Variants in HPSE2 observed in about 807,000 individuals in gnomAD.
HPSE2 encodes heparanase 2 (inactive), also known as inactive heparanase-2.
HPSE2 carries 38 observed loss-of-function variants against 60.5 expected under a neutral mutation model. That is an observed-to-expected ratio of 0.63 (90% CI 0.48 to 0.82). HPSE2 has a LOEUF of 0.82. Among genes scored for constraint, HPSE2 ranks in the 40% least tolerant of loss-of-function variants. The pLI, the probability that HPSE2 is intolerant of heterozygous loss-of-function variation, is 0.00. For synonymous variants in HPSE2, 295 were observed against 293.2 expected (o/e 1.01, Z -0.06); for missense variants, 713 against 740.4 (o/e 0.96, Z 0.43).
chr10:98,507,652 A>C (rs914850467), intron 9 of HPSE2, among the ~76,000 whole-genome samples: 1 of 151,744 alleles, frequency 6.6e-6, no homozygotes, highest in Non-Finnish European at 1.5e-5. Flanking sequence ...TATTTTTTTC[A>C]AACTCCGTCC....
chr10:98,475,543 C>G (rs78171388), intron 11 of HPSE2, among the ~76,000 whole-genome samples: 3,179 of 152,208 alleles, frequency 0.021, 116 homozygotes, highest in African/African-American at 0.072. Context: ...GATATACTTT[C>G]CAGTTTCCTT....
chr10:98,926,768 T>A (rs1954477060), intron 3 of HPSE2, among the ~76,000 whole-genome samples: 2 of 152,218 alleles, frequency 1.3e-5, no homozygotes, highest in African/African-American at 4.8e-5. Context: ...ATCTTGTCCC[T>A]TACTTATCCT....
intron 9 of HPSE2, among the ~76,000 whole-genome samples, chr10:98,561,978 C>T (rs1278227160): frequency 6.6e-6 from 1 of 152,242 alleles, no homozygotes; most frequent in Non-Finnish European, 1.5e-5. Flanking sequence ...ATCTCATTCA[C>T]TCAACACTCA....
chr10:98,561,120 G>T (rs753363760), intron 9 of HPSE2, among the ~76,000 whole-genome samples: 1 of 151,748 alleles, frequency 6.6e-6, no homozygotes, highest in Non-Finnish European at 1.5e-5. Context: ...TTTCCAGGGG[G>T]ACAAGATGTG....
At chr10:99,149,542 T>A (rs1314875200) in intron 2 of HPSE2, among the ~76,000 whole-genome samples, 1 of 152,138 alleles carries the variant, frequency 6.6e-6, no homozygotes, top group Non-Finnish European at 1.5e-5. Context: ...TTTAGAAACA[T>A]GAAAATACCA....
chr10:98,837,188 T>C (rs1393559111), intron 3 of HPSE2, among the ~76,000 whole-genome samples: 1 of 152,196 alleles, frequency 6.6e-6, no homozygotes, highest in Non-Finnish European at 1.5e-5. Context: ...ACATCAGAAA[T>C]ACCATCACAG....
rs748328883 is a variant in HPSE2 at position 98,620,583 on chromosome 10, A to C, written c.1205+19T>G. 6.3e-6 allele frequency: 10 copies of C among 1,578,036 alleles called. No individual in the cohort carries two copies. Among genetic ancestry groups the C allele is most frequent in the Non-Finnish European group, 7.8e-6 (9 of 1,147,064 alleles). On this transcript the variant is annotated intron_variant, in intron 8 of 11. Transcript: ENST00000370552. ...CCCTCCTGAAAGCCCCTGGGGGTGA[A>C]CTTGCAGGTGTTACTCACAAGAATC...
At chr10:98,741,713 T>C (rs1949502128) in intron 4 of HPSE2, among the ~76,000 whole-genome samples, 1 of 152,236 alleles carries the variant, frequency 6.6e-6, no homozygotes, top group East Asian at 1.9e-4. Flanking sequence ...ACCAGTTTTA[T>C]GTAGGCAGCA....
intron 3 of HPSE2, among the ~76,000 whole-genome samples, chr10:98,788,546 C>T (rs1263026101): frequency 2.6e-5 from 4 of 151,564 alleles, no homozygotes; most frequent in Admixed American, 1.3e-4. Context: ...CCCCCAGCCT[C>T]GTTGCCGCCT....
the HPSE2 span, among the ~76,000 whole-genome samples, chr10:99,288,267 G>A: frequency 6.6e-6 from 1 of 152,152 alleles, no homozygotes; most frequent in South Asian, 2.1e-4. Context: ...TGTTGAACTG[G>A]TAGGGTCACG....
chr10:98,655,944 G>A (rs945219329), intron 6 of HPSE2, among the ~76,000 whole-genome samples: 4 of 152,190 alleles, frequency 2.6e-5, no homozygotes, highest in African/African-American at 4.8e-5. Context: ...CAACACATAT[G>A]AAGGTACTAT....
the HPSE2 span, among the ~76,000 whole-genome samples, chr10:99,267,254 G>T: frequency 4.6e-5 from 7 of 151,606 alleles, no homozygotes. Flanking sequence ...AGATACAAGG[G>T]GAAAAATCCT....
chr10:98,728,061 T>C (rs1315170926), intron 4 of HPSE2, among the ~76,000 whole-genome samples: 1 of 152,056 alleles, frequency 6.6e-6, no homozygotes, highest in Non-Finnish European at 1.5e-5. Context: ...AAGGAAGTCA[T>C]TCAGATTGGA....
In HPSE2 at chr10:98,889,712, C is replaced by T. The variant is rs527671155; in HGVS notation, c.611-145656G>A. ...GGAAAAATTACTTCACTCCTCTGAACTTGAATTAATTAATCAATAAGATGA... is the reference window on the plus strand; with the variant it reads ...GGAAAAATTACTTCACTCCTCTGAATTTGAATTAATTAATCAATAAGATGA... On this transcript the variant is annotated intron_variant, in intron 3 of 11. Coordinates refer to ENST00000370552, the MANE Select transcript of HPSE2 (RefSeq NM_021828.5). Among the ~76,000 whole-genome samples the T allele has an allele frequency of 2.0e-5, 3 of 152,290 alleles. No individual in the cohort carries two copies. In the South Asian group the frequency reaches 6.2e-4, roughly 32 times the overall value.
chr10:99,027,357 G>C, intron 3 of HPSE2, among the ~76,000 whole-genome samples: 1 of 149,780 alleles, frequency 6.7e-6, no homozygotes, highest in South Asian at 2.1e-4. Context: ...CCAATAAATT[G>C]GAAAATCTAG....
chr10:98,650,080 C>A (rs1197310752), intron 6 of HPSE2, among the ~76,000 whole-genome samples: 1 of 152,182 alleles, frequency 6.6e-6, no homozygotes, highest in Non-Finnish European at 1.5e-5. Flanking sequence ...CAGGGGAATG[C>A]CAAAACGATG....
the HPSE2 span, among the ~76,000 whole-genome samples, chr10:99,247,851 GTTGT>G: frequency 1.5e-4 from 23 of 152,240 alleles, no homozygotes; most frequent in African/African-American, 5.3e-4. Context: ...ATGAGATTGG[GTTGT>G]TTAAGTGTGT....
chr10:98,805,679 T>C (rs959974282), intron 3 of HPSE2, among the ~76,000 whole-genome samples: 1 of 152,240 alleles, frequency 6.6e-6, no homozygotes, highest in Admixed American at 6.5e-5. Context: ...TAAATTTATA[T>C]AGTTAAATAA....
At chr10:98,774,878 A>G (rs918144490) in intron 3 of HPSE2, among the ~76,000 whole-genome samples, 1 of 152,100 alleles carries the variant, frequency 6.6e-6, no homozygotes, top group Admixed American at 6.5e-5. Flanking sequence ...AAAAATTTCC[A>G]TTTTGTAGAT....
Sources: gnomAD v4.1 joint callset for allele counts (sites outside exome capture counted in the v4.1 genomes callset) on GRCh38, gnomAD v4.1.1 for gene constraint, MANE v1.5 for transcripts, NCBI Gene and HGNC (gene_info 2026-07-23, HGNC 2026-07-21) for gene names.